The following ADGRD1 variants were observed in gnomAD, a reference collection of about 807,000 sequenced individuals.
ADGRD1 encodes adhesion G protein-coupled receptor D1, also known as G-protein coupled receptor 133.
A neutral mutation model predicts 113.4 loss-of-function variants in ADGRD1; 77 were observed. That is an observed-to-expected ratio of 0.68 (90% CI 0.57 to 0.82). The LOEUF (loss-of-function observed/expected upper bound fraction) is 0.82, where lower values mean the gene tolerates loss of function less well. Among genes scored for constraint, ADGRD1 ranks in the 40% least tolerant of loss-of-function variants. The probability of loss-of-function intolerance (pLI) is 0.00; values close to 1 mark genes in which losing one functional copy is unlikely to be tolerated. For missense variants in ADGRD1, 1,036 were observed against 1,139.1 expected, an observed-to-expected ratio of 0.91 and a Z score of 1.30; for synonymous variants, 474 against 475.0, an observed-to-expected ratio of 1.00 and a Z score of 0.03.
At position 131,122,214 on chromosome 12, in the gene ADGRD1, C is replaced by T. The variant is rs373683457; in HGVS notation, c.2175+1301C>T. Among the ~76,000 whole-genome samples, 343 of 152,192 alleles carry T rather than the reference C, an allele frequency of 2.3e-3. 1 individual carries two copies. The highest frequency in any genetic ancestry group is 7.7e-3 in the African/African-American group (320 of 41,518). On this transcript the variant is annotated intron_variant, in intron 20 of 24. Transcript: ENST00000261654. ...AGGGGCCCAGGGGTGTTGCGCGGGG[C>T]GCCACGAGCCGAGGGCAGGGATCTT...
At chr12:130,955,934 C>G (rs2136453347) in intron 2 of ADGRD1, among the ~76,000 whole-genome samples, 1 of 152,230 alleles carries the variant, frequency 6.6e-6, no homozygotes, top group East Asian at 1.9e-4. Flanking sequence ...GATTACAGGC[C>G]CATGCCACCA....
At chr12:131,108,284 G>C (rs1018883524) in intron 17 of ADGRD1, among the ~76,000 whole-genome samples, 1 of 152,164 alleles carries the variant, frequency 6.6e-6, no homozygotes, top group African/African-American at 2.4e-5. Context: ...CAGGCGGCAG[G>C]CTCCACACCT....
In ADGRD1 at chr12:130,971,220, TATC is replaced by T. The variant is rs1404069566; in HGVS notation, c.188-235_188-233del. The T allele has an allele frequency of 5.8e-5, 12 of 205,618 alleles. No homozygotes were observed. Among genetic ancestry groups the T allele is most frequent in the Admixed American group, 2.3e-4 (4 of 17,432 alleles). 12.7% of individuals were successfully genotyped at this position (205,618 alleles called of 1,614,324 possible). A position where few individuals can be genotyped will look rare whatever the true frequency, so the allele number is the denominator to read the frequency against. Reference sequence around the variant, plus strand: ...TGCATATTATATACAAATACATTAATATCATTTAATATTAAATTTTTATCTGAC... The same window carrying T: ...TGCATATTATATACAAATACATTAATATTTAATATTAAATTTTTATCTGAC... On this transcript the variant is annotated intron_variant, in intron 3 of 24. Coordinates refer to ENST00000261654, the MANE Select transcript of ADGRD1 (RefSeq NM_198827.5). This position sits in a 1 kb window ranked among gnomAD's most constrained non-coding sequence, Gnocchi z 4.2.
intron 13 of ADGRD1, among the ~76,000 whole-genome samples, chr12:131,039,229 C>T (rs1255159486): frequency 6.6e-6 from 1 of 151,844 alleles, no homozygotes; most frequent in African/African-American, 2.4e-5. Context: ...GCCCTGTGCT[C>T]CTCCAGCCAC....
At position 130,971,967 on chromosome 12, in the gene ADGRD1, C is replaced by A. The variant is rs1316590624; in HGVS notation, c.310+387C>A. Among the ~76,000 whole-genome samples the A allele has an allele frequency of 6.6e-6, 1 of 152,152 alleles. No individual in the cohort carries two copies. The highest frequency in any genetic ancestry group is 1.9e-4 in the East Asian group (1 of 5,194). The stretch of plus-strand genomic sequence containing the variant: ...GTGATTTCTGGCTCTGGGATGTTGA[C>A]GGTGAGCGGGCAGGGCATACCCAAG... On this transcript the variant is annotated intron_variant, in intron 4 of 24. Coordinates refer to ENST00000261654, the MANE Select transcript of ADGRD1 (RefSeq NM_198827.5). This position sits in a 1 kb window ranked among gnomAD's most constrained non-coding sequence, Gnocchi z 4.2.
intron 12 of ADGRD1, among the ~76,000 whole-genome samples, chr12:131,013,736 G>T (rs1878213840): frequency 1.3e-5 from 2 of 152,202 alleles, no homozygotes; most frequent in African/African-American, 4.8e-5. Flanking sequence ...GATGGCCACT[G>T]CACCATCCTA....
intron 14 of ADGRD1, 67 bp downstream of exon 14, chr12:131,076,941 C>G (rs1236455960): frequency 3.1e-6 from 4 of 1,270,824 alleles, no homozygotes; most frequent in Non-Finnish European, 4.6e-6. Context: ...CCCATGCCAG[C>G]CCAGGGGAGG....
intron 4 of ADGRD1, chr12:130,977,051 G>A (rs1872404222): frequency 6.6e-6 from 1 of 151,944 alleles, no homozygotes; most frequent in African/African-American, 2.4e-5. Flanking sequence ...TTATATATGG[G>A]AAAATTTCAT....
At chr12:131,121,611 C>T (rs1339281291) in intron 20 of ADGRD1, among the ~76,000 whole-genome samples, 1 of 152,194 alleles carries the variant, frequency 6.6e-6, no homozygotes, top group African/African-American at 2.4e-5. Context: ...AACTCCTGAC[C>T]TCAGGTGATC....
intron 8 of ADGRD1, among the ~76,000 whole-genome samples, chr12:130,997,602 G>A (rs1377211941): frequency 2.6e-5 from 4 of 151,548 alleles, no homozygotes; most frequent in Admixed American, 6.6e-5. Context: ...CATCTCAGAC[G>A]ATGGGCGGCC....
intron 2 of ADGRD1, among the ~76,000 whole-genome samples, chr12:130,963,314 C>T (rs1478863658): frequency 1.6e-4 from 12 of 73,658 alleles, no homozygotes; most frequent in East Asian, 4.1e-4. Flanking sequence ...AGCCAGACTC[C>T]GTCTCAAAAA....
At chr12:131,074,265 T>G (rs572292295) in intron 13 of ADGRD1, among the ~76,000 whole-genome samples, 19 of 152,318 alleles carry the variant, frequency 1.2e-4, no homozygotes, top group Admixed American at 7.2e-4. Flanking sequence ...GCACTCCCCA[T>G]TAGACATACC....
intron 13 of ADGRD1, among the ~76,000 whole-genome samples, chr12:131,015,393 G>T (rs1027747245): frequency 9.2e-5 from 14 of 151,792 alleles, no homozygotes; most frequent in Non-Finnish European, 1.6e-4. Flanking sequence ...GATTGAGATG[G>T]ACATGGGAAT....
intron 15 of ADGRD1, among the ~76,000 whole-genome samples, chr12:131,089,642 C>T (rs959205872): frequency 1.6e-5 from 2 of 127,058 alleles, no homozygotes; most frequent in Non-Finnish European, 3.3e-5. Context: ...AGTGAGTGCT[C>T]CTTGCCTGGA....
Position 130,971,966 on chromosome 12 carries a change from A to G in ADGRD1, c.310+386A>G, listed in dbSNP as rs1292426242. ...TGTGATTTCTGGCTCTGGGATGTTGACGGTGAGCGGGCAGGGCATACCCAA... is the reference window on the plus strand; with the variant it reads ...TGTGATTTCTGGCTCTGGGATGTTGGCGGTGAGCGGGCAGGGCATACCCAA... On this transcript the variant is annotated intron_variant, in intron 4 of 24. Transcript: ENST00000261654. The surrounding 1 kb of genome is among the most constrained non-coding windows in gnomAD (Gnocchi z 4.2). Among the ~76,000 whole-genome samples, 1 of 152,168 alleles carries G rather than the reference A, an allele frequency of 6.6e-6. No individual in the cohort carries two copies. The highest frequency in any genetic ancestry group is 2.4e-5 in the African/African-American group (1 of 41,434).
chr12:130,982,254 C>T lies in ADGRD1; in HGVS notation c.490+191C>T, dbSNP rs115106081. Among the ~76,000 whole-genome samples the T allele has an allele frequency of 3.3e-3, 503 of 152,268 alleles. 2 individuals carry two copies. The highest frequency in any genetic ancestry group is 0.011 in the African/African-American group (471 of 41,538). On this transcript the variant is annotated intron_variant, in intron 5 of 24. Coordinates refer to ENST00000261654, the MANE Select transcript of ADGRD1 (RefSeq NM_198827.5). ...AGGCAAGGAGGTGCCCTTGGTAAGC[C>T]GCCTTTGGTTGGTGCAGAGCCTGGG...
At chr12:131,045,384 G>A (rs1276125785) in intron 13 of ADGRD1, among the ~76,000 whole-genome samples, 1 of 152,212 alleles carries the variant, frequency 6.6e-6, no homozygotes, top group Non-Finnish European at 1.5e-5. Context: ...ATCAGCCCCA[G>A]GCAGGGAGGG....
chr12:131,052,015 C>T (rs1011808544), intron 13 of ADGRD1, among the ~76,000 whole-genome samples: 2 of 152,186 alleles, frequency 1.3e-5, no homozygotes, highest in Admixed American at 1.3e-4. Flanking sequence ...AGATCTCCTC[C>T]TCCTGCTTCA....
At chr12:131,052,591 G>C (rs1409767022) in intron 13 of ADGRD1, among the ~76,000 whole-genome samples, 1 of 152,080 alleles carries the variant, frequency 6.6e-6, no homozygotes, top group Non-Finnish European at 1.5e-5. Context: ...CAGTCGGGGG[G>C]GCATAAAATG....
Sources: gnomAD v4.1 joint callset for allele counts (sites outside exome capture counted in the v4.1 genomes callset) on GRCh38, gnomAD v4.1.1 for gene constraint, Gnocchi (gnomAD v3.1) non-coding constraint, MANE v1.5 for transcripts, NCBI Gene and HGNC (gene_info 2026-07-23, HGNC 2026-07-21) for gene names.